ZFAT: variants seen among roughly 807,000 people sequenced by gnomAD.
The protein encoded by ZFAT is zinc finger protein ZFAT.
ZFAT carries 64 observed loss-of-function variants against 117.7 expected under a neutral mutation model. The observed-to-expected ratio is 0.54, with a 90% CI of 0.44 to 0.67. The LOEUF is 0.67. Ranked by LOEUF, ZFAT falls within the 30% of genes least tolerant of loss-of-function variation. The pLI is 0.00. For missense variants in ZFAT, 1,433 were observed against 1,584.5 expected (o/e 0.90, Z 1.62); for synonymous variants, 679 against 615.0 (o/e 1.10, Z -1.54).
the ZFAT span, among the ~76,000 whole-genome samples, chr8:134,742,913 A>G: frequency 6.6e-6 from 1 of 152,296 alleles, no homozygotes; most frequent in African/African-American, 2.4e-5. Context: ...CGCCTCACCC[A>G]GAGGTCTGGG....
the ZFAT span, among the ~76,000 whole-genome samples, chr8:134,734,640 C>G: frequency 3.0e-4 from 45 of 152,248 alleles, no homozygotes; most frequent in Admixed American, 2.1e-3. Context: ...AACTACCACC[C>G]CCAGAATTAG....
intron 9 of ZFAT, 69 bp from the exon 10 acceptor site, chr8:134,584,074 GAATA>G (rs1253792071): frequency 1.3e-4 from 181 of 1,377,438 alleles, no homozygotes; most frequent in Non-Finnish European, 3.0e-5. Flanking sequence ...GAATCTGAAG[GAATA>G]TATATATCCA....
chr8:134,817,400 C>CT, the ZFAT span, among the ~76,000 whole-genome samples: 10 of 88,662 alleles, frequency 1.1e-4, no homozygotes, highest in African/African-American at 3.6e-4. Context: ...TCTCTACACA[C>CT]ACACACACAC....
chr8:134,696,568 C>A (rs1485729270), intron 1 of ZFAT: 4 of 986,044 alleles, frequency 4.1e-6, no homozygotes, highest in South Asian at 4.7e-5. Flanking sequence ...CCCAGGAAGC[C>A]CTACCATCCT....
rs181304043 is a variant in ZFAT at position 134,650,600 on chromosome 8, A to G, written c.196+6961T>C. ...AACTGCAAAGGACCCTGAAAAGTCA[A>G]AACAATCTTGATAAAGAAGAACAAA... On this transcript the variant is annotated intron_variant, in intron 2 of 15. Transcript: ENST00000377838. 1.7e-3 allele frequency among the ~76,000 whole-genome samples: 255 copies of G among 152,354 alleles called. 1 individual carries two copies. Among genetic ancestry groups the G allele is most frequent in the African/African-American group, 5.9e-3 (244 of 41,580 alleles).
the ZFAT span, among the ~76,000 whole-genome samples, chr8:134,821,881 C>A: frequency 2.0e-5 from 3 of 152,162 alleles, no homozygotes; most frequent in East Asian, 1.9e-4. Context: ...AACAGCATTT[C>A]TTTTCTAATT....
chr8:134,790,604 C>T, the ZFAT span, among the ~76,000 whole-genome samples: 3 of 152,172 alleles, frequency 2.0e-5, no homozygotes, highest in African/African-American at 7.2e-5. Flanking sequence ...AACTGCCTCA[C>T]ACCTTCTGTT....
chr8:134,776,453 C>T, the ZFAT span, among the ~76,000 whole-genome samples: 1 of 152,118 alleles, frequency 6.6e-6, no homozygotes, highest in East Asian at 1.9e-4. Context: ...CAGGCACGCA[C>T]CACCACATCC....
rs1365390489 is a variant in ZFAT, at chr8:134,590,312, G to A, written c.2519C>T (p.Ser840Leu). Residue 840 changes from serine (S) to leucine (L), a missense_variant, in exon 8 of 16, where the codon TCA (serine) becomes TTA (leucine). This residue lies in a region of ZFAT where 503 missense variants were observed against 543.4 expected (regional missense o/e 0.93). Coordinates refer to ENST00000377838, the MANE Select transcript of ZFAT (RefSeq NM_020863.4). ...YSCPVCEKSFSEDRLIKSHIK... is the reference protein window; with the variant it reads ...YSCPVCEKSFLEDRLIKSHIK... Reference sequence around the variant, plus strand: ...ATGTGACTTTATCAATCGATCCTCTGAAAAAGACTTTTCACAAACAGGACA... The same window carrying A: ...ATGTGACTTTATCAATCGATCCTCTAAAAAAGACTTTTCACAAACAGGACA... 1.2e-6 allele frequency: 2 copies of A among 1,613,256 alleles called. No individual in the cohort carries two copies. Among genetic ancestry groups the A allele is most frequent in the African/African-American group, 2.7e-5 (2 of 75,020 alleles).
At chr8:134,814,220 CAT>C in the ZFAT span, among the ~76,000 whole-genome samples, 2 of 152,160 alleles carry the variant, frequency 1.3e-5, no homozygotes, top group Non-Finnish European at 2.9e-5. Context: ...ACAATGAACT[CAT>C]GTGCTAGCGT....
At chr8:134,722,926 T>C in the ZFAT span, 1 of 152,202 alleles carries the variant, frequency 6.6e-6, no homozygotes, top group Non-Finnish European at 1.5e-5. Flanking sequence ...CAGGGTCATA[T>C]TCCAAAAGTG....
At chr8:134,513,783 TA>T (rs1269939737) in intron 13 of ZFAT, among the ~76,000 whole-genome samples, 18 of 152,188 alleles carry the variant, frequency 1.2e-4, no homozygotes, top group African/African-American at 4.3e-4. Flanking sequence ...TATAAGCATA[TA>T]TCAGTAAATG....
chr8:134,821,980 A>T, the ZFAT span, among the ~76,000 whole-genome samples: 2 of 152,194 alleles, frequency 1.3e-5, no homozygotes, highest in South Asian at 4.1e-4. Flanking sequence ...CTGTTGAGGG[A>T]AATGAAATTT....
Position 134,679,415 on chromosome 8 carries a change from C to A in ZFAT, c.20-21678G>T, listed in dbSNP as rs189965286. 3.9e-3 allele frequency among the ~76,000 whole-genome samples: 592 copies of A among 152,232 alleles called. 3 individuals are homozygous for A. The highest frequency in any genetic ancestry group is 6.9e-3 in the Admixed American group (106 of 15,296). The stretch of plus-strand genomic sequence containing the variant: ...TACCATCTCGCACCAGTTAGAATGG[C>A]GATCATTAAAAACTCAGGAAACAAC... On this transcript the variant is annotated intron_variant, in intron 1 of 15. Coordinates refer to ENST00000377838, the MANE Select transcript of ZFAT (RefSeq NM_020863.4).
chr8:134,643,021 C>G (rs1384738575), intron 2 of ZFAT, among the ~76,000 whole-genome samples: 3 of 152,242 alleles, frequency 2.0e-5, no homozygotes, highest in Non-Finnish European at 4.4e-5. Flanking sequence ...TGTACTTTTA[C>G]CAGCCATATC....
the ZFAT span, among the ~76,000 whole-genome samples, chr8:134,724,660 A>G: frequency 6.6e-6 from 1 of 152,080 alleles, no homozygotes; most frequent in East Asian, 1.9e-4. Context: ...TTCGTCACTT[A>G]AAGTCCCAGA....
the ZFAT span, among the ~76,000 whole-genome samples, chr8:134,799,142 T>C: frequency 2.0e-5 from 3 of 152,128 alleles, no homozygotes; most frequent in Admixed American, 6.6e-5. Flanking sequence ...AAATAAAATA[T>C]ATAATTAGAA....
At chr8:134,534,708 G>A (rs1267060344) in intron 11 of ZFAT, among the ~76,000 whole-genome samples, 2 of 147,810 alleles carry the variant, frequency 1.4e-5, no homozygotes, top group African/African-American at 5.0e-5. Context: ...GAAAGAGACG[G>A]GGAGAGGGAC....
rs533832738 is a variant in ZFAT, at chr8:134,695,069, AG to A, written c.19+17775del. 2.2e-3 allele frequency among the ~76,000 whole-genome samples: 341 copies of A among 152,326 alleles called. 2 individuals carry two copies. Among genetic ancestry groups the A allele is most frequent in the African/African-American group, 7.4e-3 (306 of 41,586 alleles). ...GCAAACTGATGGGCCTCAGGGCTTC[AG>A]GGGAGGGAGCCAGGCAGGGAGAACC... On this transcript the variant is annotated intron_variant, in intron 1 of 15. Coordinates refer to ENST00000377838, the MANE Select transcript of ZFAT (RefSeq NM_020863.4).
Sources: allele counts gnomAD v4.1 joint callset (sites outside exome capture counted in the v4.1 genomes callset), GRCh38; gene constraint gnomAD v4.1.1; regional missense constraint gnomAD v4.1.1; transcripts MANE v1.5; gene names NCBI Gene and HGNC (gene_info 2026-07-23, HGNC 2026-07-21).